The following ATP8B4 variants were observed in gnomAD, a reference collection of about 807,000 sequenced individuals.
The protein encoded by ATP8B4 is ATPase phospholipid transporting 8B4 (putative), also known as probable phospholipid-transporting ATPase IM.
Under a neutral mutation model 145.6 loss-of-function variants are expected in ATP8B4, and 133 were observed. The observed-to-expected ratio is 0.91, with a 90% CI of 0.79 to 1.05. ATP8B4 has a LOEUF of 1.05. Ranked by LOEUF, ATP8B4 falls within the 50% of genes least tolerant of loss-of-function variation. ATP8B4 has a pLI of 0.00. For synonymous variants in ATP8B4, 507 were observed against 492.9 expected (o/e 1.03, Z -0.38); for missense variants, 1,458 against 1,425.2 (o/e 1.02, Z -0.37).
intron 1 of ATP8B4, among the ~76,000 whole-genome samples, chr15:50,180,872 G>T (rs1230666552): frequency 6.6e-6 from 1 of 152,134 alleles, no homozygotes; most frequent in Non-Finnish European, 1.5e-5. Context: ...ACGGCAGGGG[G>T]TGGCCTGGAG....
chr15:49,978,805 A>T (rs1599581794), intron 12 of ATP8B4, among the ~76,000 whole-genome samples: 1 of 110,242 alleles, frequency 9.1e-6, no homozygotes, highest in African/African-American at 4.0e-5. Context: ...TATGTATATA[A>T]ATAAAGAGGG....
chr15:50,159,733 A>G (rs1324759923), intron 1 of ATP8B4, among the ~76,000 whole-genome samples: 3 of 152,196 alleles, frequency 2.0e-5, no homozygotes, highest in Non-Finnish European at 2.9e-5. Context: ...TGAAAAAATT[A>G]TACGGCTTTT....
At chr15:49,918,725 A>G (rs1368206593) in intron 19 of ATP8B4, 114 bp downstream of exon 19, 5 of 734,014 alleles carry the variant, frequency 6.8e-6, no homozygotes, top group Admixed American at 5.4e-5. Flanking sequence ...AGTCTTTCCT[A>G]TGTGGAAGAT....
At chr15:50,137,266 C>T (rs534323293) in intron 1 of ATP8B4, among the ~76,000 whole-genome samples, 2 of 152,348 alleles carry the variant, frequency 1.3e-5, no homozygotes, top group African/African-American at 4.8e-5. Flanking sequence ...CCTAATATCC[C>T]TGGCTCTTAC....
At chr15:49,943,511 A>T (rs1325023057) in intron 14 of ATP8B4, among the ~76,000 whole-genome samples, 1 of 152,220 alleles carries the variant, frequency 6.6e-6, no homozygotes, top group African/African-American at 2.4e-5. Context: ...CCTCCACAAG[A>T]TCATCAGTAG....
At chr15:50,033,034 T>G (rs1020153976) in intron 6 of ATP8B4, among the ~76,000 whole-genome samples, 1 of 152,234 alleles carries the variant, frequency 6.6e-6, no homozygotes, top group Non-Finnish European at 1.5e-5. Context: ...AAAAGTTGAT[T>G]GAACAAGTTG....
intron 6 of ATP8B4, among the ~76,000 whole-genome samples, chr15:50,029,110 G>A (rs987103381): frequency 1.3e-5 from 2 of 151,892 alleles, no homozygotes; most frequent in African/African-American, 2.4e-5. Flanking sequence ...GCACACGCCT[G>A]TAGTCCCAGC....
chr15:50,143,599 G>A lies in ATP8B4; in HGVS notation c.-42-36591C>T, dbSNP rs569112919. Among the ~76,000 whole-genome samples the A allele has an allele frequency of 5.3e-5, 8 of 152,274 alleles. No homozygotes were observed. In the South Asian group the frequency reaches 1.0e-3, roughly 20 times the overall value. ...AGTTATTGACTATACAGAGTCAGCCGTGATTCAGTGTGGTCATTTCACAGT... is the reference window on the plus strand; with the variant it reads ...AGTTATTGACTATACAGAGTCAGCCATGATTCAGTGTGGTCATTTCACAGT... On this transcript the variant is annotated intron_variant, in intron 1 of 3. Transcript: ENST00000558829.
At chr15:50,085,911 TTATATATGATATATATCATATATATTTA>T (rs2054918025) in intron 2 of ATP8B4, among the ~76,000 whole-genome samples, 2 of 92,046 alleles carry the variant, frequency 2.2e-5, no homozygotes, top group South Asian at 6.2e-4. Flanking sequence ...TCATATATAT[TTATATATGATATATATCATATATATTTA>T]TATATGATAT....
intron 2 of ATP8B4, among the ~76,000 whole-genome samples, chr15:50,095,334 C>T (rs551564794): frequency 1.3e-5 from 2 of 152,246 alleles, no homozygotes; most frequent in African/African-American, 4.8e-5. Flanking sequence ...TGAGAGAGAT[C>T]TTCAAATATT....
chr15:50,018,739 T>C (rs2049298054), intron 6 of ATP8B4: 1 of 298,078 alleles, frequency 3.4e-6, no homozygotes, highest in South Asian at 3.5e-5. Flanking sequence ...CCGAAAACTA[T>C]ATGCCTGGAC....
chr15:50,107,247 A>G (rs1275157441), intron 1 of ATP8B4, among the ~76,000 whole-genome samples: 1 of 152,208 alleles, frequency 6.6e-6, no homozygotes, highest in East Asian at 1.9e-4. Flanking sequence ...CAAATGCGCC[A>G]CTCAATTTGG....
At chr15:49,880,426 T>C (rs1281936130) in intron 23 of ATP8B4, 1 of 152,106 alleles carries the variant, frequency 6.6e-6, no homozygotes, top group Non-Finnish European at 1.5e-5. Context: ...GGTGGCCCAG[T>C]TGGGTAGAGC....
intron 10 of ATP8B4, among the ~76,000 whole-genome samples, chr15:49,981,552 G>C (rs1380844666): frequency 6.6e-6 from 1 of 152,090 alleles, no homozygotes; most frequent in Non-Finnish European, 1.5e-5. Flanking sequence ...TTTAAGTGAA[G>C]CTATTTTTTC....
In ATP8B4 at chr15:50,118,360, T is replaced by C. The variant is rs1191447175; in HGVS notation, c.-43+763A>G. On this transcript the variant is annotated intron_variant, in intron 1 of 27. Transcript: ENST00000284509. ...ATCACATAAAAAATAAAAAATACAT[T>C]TAAAAAAATCAAAACTGAAATCACT... 6.6e-5 allele frequency among the ~76,000 whole-genome samples: 10 copies of C among 152,248 alleles called. 1 individual carries two copies. The East Asian group carries it at 1.9e-3, about 29-fold the overall frequency.
chr15:50,023,779 CAAAAAAAAAAA>C (rs60030651), intron 6 of ATP8B4, among the ~76,000 whole-genome samples: 1 of 75,056 alleles, frequency 1.3e-5, no homozygotes. Context: ...AGACCAAAGG[CAAAAAAAAAAA>C]AAAAAAGAAA....
chr15:50,018,958 A>T (rs1247928773), intron 6 of ATP8B4: 25 of 1,251,804 alleles, frequency 2.0e-5, no homozygotes, highest in Non-Finnish European at 2.6e-5. Context: ...TTAAACCCTC[A>T]GCTTTGTACC....
chr15:50,154,214 A>G (rs1265777348), intron 1 of ATP8B4, among the ~76,000 whole-genome samples: 1 of 152,198 alleles, frequency 6.6e-6, no homozygotes, highest in African/African-American at 2.4e-5. Flanking sequence ...ACAAAAATTT[A>G]TCACACAGGA....
At chr15:50,158,524 G>A (rs7402755) in intron 1 of ATP8B4, among the ~76,000 whole-genome samples, 34,268 of 151,160 alleles carry the variant, frequency 0.23, 4,547 homozygotes, top group East Asian at 0.41. Context: ...AGTCCGGGAG[G>A]TGGGGGGCGC....
Sources: gnomAD v4.1 joint callset for allele counts (sites outside exome capture counted in the v4.1 genomes callset) on GRCh38, gnomAD v4.1.1 for gene constraint, MANE v1.5 for transcripts, NCBI Gene and HGNC (gene_info 2026-07-23, HGNC 2026-07-21) for gene names.